The following GRIA1 variants were observed in gnomAD, a reference collection of about 807,000 sequenced individuals.
The protein encoded by GRIA1 is glutamate receptor 1.
Under a neutral mutation model 99.2 loss-of-function variants are expected in GRIA1, and 31 were observed. That is an observed-to-expected ratio of 0.31 (90% CI 0.23 to 0.42). The LOEUF (loss-of-function observed/expected upper bound fraction) is 0.42. Ranked by LOEUF, GRIA1 falls within the 10% of genes least tolerant of loss-of-function variation. GRIA1 has a pLI of 1.00. For missense variants in GRIA1, 782 were observed against 1,157.5 expected (o/e 0.68, Z 4.71); for synonymous variants, 438 against 432.4 (o/e 1.01, Z -0.16).
intron 2 of GRIA1, among the ~76,000 whole-genome samples, chr5:153,515,178 T>C (rs981101790): frequency 2.0e-5 from 3 of 152,184 alleles, no homozygotes; most frequent in Admixed American, 6.5e-5. Flanking sequence ...TGCACTCTCA[T>C]GTTCATTGCA....
At chr5:153,559,331 C>T (rs1760921967) in intron 2 of GRIA1, among the ~76,000 whole-genome samples, 1 of 152,072 alleles carries the variant, frequency 6.6e-6, no homozygotes, top group South Asian at 2.1e-4. Flanking sequence ...GGAGGCATGC[C>T]AGGGAGGGTG....
At chr5:153,763,567 CT>C (rs1763319583) in intron 11 of GRIA1, among the ~76,000 whole-genome samples, 1 of 152,134 alleles carries the variant, frequency 6.6e-6, no homozygotes, top group Non-Finnish European at 1.5e-5. Flanking sequence ...ATATGATGCC[CT>C]AACTGCTTAC....
chr5:153,518,310 G>T (rs1311305794), intron 2 of GRIA1, among the ~76,000 whole-genome samples: 1 of 151,714 alleles, frequency 6.6e-6, no homozygotes, highest in Non-Finnish European at 1.5e-5. Flanking sequence ...TTTTTTACCT[G>T]CTCAGTGTAA....
At chr5:153,566,777 C>A (rs1440684454) in intron 2 of GRIA1, among the ~76,000 whole-genome samples, 1 of 127,712 alleles carries the variant, frequency 7.8e-6, no homozygotes, top group Non-Finnish European at 1.6e-5. Context: ...AGTGCAATGG[C>A]ACAATCTCGG....
intron 2 of GRIA1, among the ~76,000 whole-genome samples, chr5:153,590,017 T>A (rs1466760819): frequency 6.6e-6 from 1 of 152,180 alleles, no homozygotes. Flanking sequence ...TATTGGTGAT[T>A]CAAAATGTAC....
At chr5:153,712,494 G>A (rs1759383522) in intron 11 of GRIA1, among the ~76,000 whole-genome samples, 1 of 152,110 alleles carries the variant, frequency 6.6e-6, no homozygotes, top group Non-Finnish European at 1.5e-5. Context: ...GAGAGTCTAT[G>A]AGAAACCTTC....
In GRIA1 at chr5:153,665,141, C is replaced by T. The variant is rs570378376; in HGVS notation, c.699+9269C>T. ...CCAACTATTCCCAGGCCAGGTAGTA[C>T]ACCCATGCAGCCTTGCACTCAATAG... On this transcript the variant is annotated intron_variant, in intron 5 of 15. Coordinates refer to ENST00000285900, the MANE Select transcript of GRIA1 (RefSeq NM_000827.4). Among the ~76,000 whole-genome samples the T allele has an allele frequency of 1.2e-3, 178 of 152,312 alleles. 1 individual carries two copies. Among genetic ancestry groups the T allele is most frequent in the African/African-American group, 4.2e-3 (174 of 41,578 alleles).
chr5:153,698,633 AAAAGCTGTATGCCATAT>A (rs1758292065), intron 9 of GRIA1, among the ~76,000 whole-genome samples: 1 of 152,232 alleles, frequency 6.6e-6, no homozygotes, highest in Admixed American at 6.5e-5. Context: ...ACATAATTTG[AAAAGCTGTATGCCATAT>A]CTCAGTGATA....
At chr5:153,622,270 A>G (rs1044908630) in intron 2 of GRIA1, among the ~76,000 whole-genome samples, 10 of 152,156 alleles carry the variant, frequency 6.6e-5, no homozygotes, top group Non-Finnish European at 1.5e-4. Context: ...ATCCTTGGAG[A>G]GACCTACTTT....
chr5:153,749,132 A>T (rs1762342731), intron 11 of GRIA1, among the ~76,000 whole-genome samples: 1 of 152,186 alleles, frequency 6.6e-6, no homozygotes, highest in Non-Finnish European at 1.5e-5. Flanking sequence ...GAGGAGACCC[A>T]GGAGAGAGTG....
At chr5:153,560,726 C>T (rs925330203) in intron 2 of GRIA1, among the ~76,000 whole-genome samples, 3 of 152,186 alleles carry the variant, frequency 2.0e-5, no homozygotes. Context: ...TTATTAGCAG[C>T]ATGACAACAG....
chr5:153,702,594 G>T (rs916754637), intron 10 of GRIA1, among the ~76,000 whole-genome samples: 2 of 152,214 alleles, frequency 1.3e-5, no homozygotes, highest in African/African-American at 4.8e-5. Flanking sequence ...TTTGGGATCT[G>T]CTAGGTCAGT....
At chr5:153,754,227 C>T (rs1244077394) in intron 11 of GRIA1, among the ~76,000 whole-genome samples, 2 of 152,140 alleles carry the variant, frequency 1.3e-5, no homozygotes, top group Non-Finnish European at 2.9e-5. Flanking sequence ...TTCACCTGAG[C>T]CAGTTCCAAA....
chr5:153,664,011 G>A (rs1372432094), intron 5 of GRIA1, among the ~76,000 whole-genome samples: 1 of 152,220 alleles, frequency 6.6e-6, no homozygotes, highest in Non-Finnish European at 1.5e-5. Context: ...ACAGAGCATG[G>A]AAACTCACTG....
chr5:153,682,613 T>G (rs1757053661), intron 7 of GRIA1, among the ~76,000 whole-genome samples: 1 of 152,098 alleles, frequency 6.6e-6, no homozygotes, highest in Admixed American at 6.5e-5. Flanking sequence ...TTAGGCCATT[T>G]TAGCCAGAAT....
intron 5 of GRIA1, among the ~76,000 whole-genome samples, chr5:153,664,051 C>T (rs77541189): frequency 0.047 from 7,117 of 152,246 alleles, 184 homozygotes; most frequent in Middle Eastern, 0.09. Flanking sequence ...AAGAGGGGCC[C>T]CTTAGCACTA....
Position 153,594,196 on chromosome 5 carries a change from T to A in GRIA1, c.221-52732T>A, listed in dbSNP as rs1764227733. Among the ~76,000 whole-genome samples, 2 of 152,194 alleles carry A rather than the reference T, an allele frequency of 1.3e-5. 1 individual carries two copies. Among genetic ancestry groups the A allele is most frequent in the Admixed American group, 1.3e-4 (2 of 15,280 alleles). ...CTAACTTCAAGACAATCGCCTTTTTTAATTCACAGGTCATTCATGGGGCTA... is the reference window on the plus strand; with the variant it reads ...CTAACTTCAAGACAATCGCCTTTTTAAATTCACAGGTCATTCATGGGGCTA... On this transcript the variant is annotated intron_variant, in intron 2 of 15. Coordinates refer to ENST00000285900, the MANE Select transcript of GRIA1 (RefSeq NM_000827.4).
chr5:153,811,120 T>C lies in GRIA1; in HGVS notation c.2616T>C (p.Ser872=), dbSNP rs1484482660. The part of the protein sequence containing the change: ...NSGAGASSGG[S]GENGRVVSHD... Reference sequence around the variant, plus strand: ...GGGCAGGAGCCAGCAGCGGCGGCAGTGGAGAGAATGGTCGGGTGGTCAGCC... The same window carrying C: ...GGGCAGGAGCCAGCAGCGGCGGCAGCGGAGAGAATGGTCGGGTGGTCAGCC... Residue 872 remains serine (S), a synonymous_variant, in exon 16 of 16, where the codon AGT becomes AGC. Coordinates refer to ENST00000285900, the MANE Select transcript of GRIA1 (RefSeq NM_000827.4). The C allele has an allele frequency of 6.2e-7, 1 of 1,613,940 alleles. No homozygotes were observed. The highest frequency in any genetic ancestry group is 8.5e-7 in the Non-Finnish European group (1 of 1,179,898).
chr5:153,799,160 T>C (rs1765839833), intron 14 of GRIA1, among the ~76,000 whole-genome samples: 1 of 152,112 alleles, frequency 6.6e-6, no homozygotes, highest in African/African-American at 2.4e-5. Context: ...TGAGGGGTGC[T>C]CAGAAGACTC....
Sources: allele counts gnomAD v4.1 joint callset (sites outside exome capture counted in the v4.1 genomes callset), GRCh38; gene constraint gnomAD v4.1.1; transcripts MANE v1.5; gene names NCBI Gene and HGNC (gene_info 2026-07-23, HGNC 2026-07-21).